The following CNTNAP2 variants were observed in gnomAD, a reference collection of about 807,000 sequenced individuals.
CNTNAP2 encodes the protein contactin-associated protein-like 2.
In CNTNAP2, 98 loss-of-function variants were observed where a neutral mutation model predicts 155.2. The ratio of observed to expected loss-of-function variants is 0.63; its 90% CI spans 0.54 to 0.75. CNTNAP2 has a LOEUF of 0.75. CNTNAP2 is among the 30% of genes least tolerant of loss of function. CNTNAP2 has a pLI of 0.00. For missense variants in CNTNAP2, 1,727 were observed against 1,688.1 expected (o/e 1.02, Z -0.40); for synonymous variants, 651 against 631.2 (o/e 1.03, Z -0.47).
chr7:147,736,696 T>C (rs1462160565), intron 13 of CNTNAP2, among the ~76,000 whole-genome samples: 1 of 152,216 alleles, frequency 6.6e-6, no homozygotes, highest in Non-Finnish European at 1.5e-5. Flanking sequence ...CATAGTGCCA[T>C]ATTTCTTGGA....
Position 146,905,596 on chromosome 7 carries a change from C to CT in CNTNAP2, c.402+65697dup, listed in dbSNP as rs755657448. Among the ~76,000 whole-genome samples, 6 of 152,202 alleles carry CT rather than the reference C, an allele frequency of 3.9e-5. No individual in the cohort carries two copies. The East Asian group carries it at 9.7e-4, about 25-fold the overall frequency. Reference sequence around the variant, plus strand: ...CCACAGAGACTAGCTTTCCCCAAGTCTTTTTCATTCAGAGACTCAAAGAAG... The same window carrying CT: ...CCACAGAGACTAGCTTTCCCCAAGTCTTTTTTCATTCAGAGACTCAAAGAAG... On this transcript the variant is annotated intron_variant, in intron 3 of 23. Transcript: ENST00000361727.
intron 9 of CNTNAP2, among the ~76,000 whole-genome samples, chr7:147,337,204 T>C (rs1435527839): frequency 6.6e-6 from 1 of 151,840 alleles, no homozygotes; most frequent in African/African-American, 2.4e-5. Flanking sequence ...CAAGGGAAGG[T>C]TAGGATGTAT....
chr7:147,663,180 G>C (rs74758956), intron 13 of CNTNAP2, among the ~76,000 whole-genome samples: 1 of 14,326 alleles, frequency 7.0e-5, no homozygotes, highest in South Asian at 0.05. Context: ...TGTAATTTTC[G>C]TAGGGACGGG....
chr7:146,603,819 G>A (rs1171799613), intron 1 of CNTNAP2, among the ~76,000 whole-genome samples: 2 of 149,100 alleles, frequency 1.3e-5, no homozygotes, highest in African/African-American at 4.9e-5. Context: ...ACAAGCAATG[G>A]GGAAAGGATT....
At chr7:147,873,186 C>A (rs1309734411) in intron 13 of CNTNAP2, among the ~76,000 whole-genome samples, 2 of 152,158 alleles carry the variant, frequency 1.3e-5, no homozygotes, top group Non-Finnish European at 2.9e-5. Context: ...CTCCTTACCA[C>A]TAAGGAGCTC....
chr7:147,640,119 T>G (rs1173561660), intron 13 of CNTNAP2, among the ~76,000 whole-genome samples: 2 of 152,146 alleles, frequency 1.3e-5, no homozygotes, highest in South Asian at 2.1e-4. Flanking sequence ...AAATTTTACC[T>G]TAATTGACAA....
intron 1 of CNTNAP2, among the ~76,000 whole-genome samples, chr7:146,274,432 G>C (rs975377644): frequency 2.0e-5 from 3 of 152,166 alleles, no homozygotes. Flanking sequence ...CTAAAAGGAA[G>C]GCATCTGTTT....
intron 1 of CNTNAP2, among the ~76,000 whole-genome samples, chr7:146,397,312 C>T (rs1026740079): frequency 2.0e-5 from 3 of 152,190 alleles, no homozygotes; most frequent in African/African-American, 7.2e-5. Flanking sequence ...ACCACATTTA[C>T]CACATTTGCT....
chr7:146,657,266 T>C (rs1475713891), intron 1 of CNTNAP2, among the ~76,000 whole-genome samples: 1 of 152,194 alleles, frequency 6.6e-6, no homozygotes, highest in African/African-American at 2.4e-5. Flanking sequence ...TACTTGGTAT[T>C]CCAACCTACC....
chr7:147,996,352 T>C (rs1221061034), intron 15 of CNTNAP2, among the ~76,000 whole-genome samples: 1 of 152,228 alleles, frequency 6.6e-6, no homozygotes, highest in Non-Finnish European at 1.5e-5. Context: ...AGATTTTGAT[T>C]TGGATTCTCC....
At chr7:146,272,583 C>T (rs917306020) in intron 1 of CNTNAP2, among the ~76,000 whole-genome samples, 1 of 152,112 alleles carries the variant, frequency 6.6e-6, no homozygotes, top group Non-Finnish European at 1.5e-5. Flanking sequence ...TTTAACTCGG[C>T]AATTCCACTA....
Position 148,308,471 on chromosome 7 carries a change from A to T in CNTNAP2, c.3475+41345A>T, listed in dbSNP as rs1028808363. Among the ~76,000 whole-genome samples the T allele has an allele frequency of 1.4e-4, 21 of 152,066 alleles. 1 individual carries two copies. Among genetic ancestry groups the T allele is most frequent in the African/African-American group, 5.1e-4 (21 of 41,438 alleles). On this transcript the variant is annotated intron_variant, in intron 21 of 23. Coordinates refer to ENST00000361727, the MANE Select transcript of CNTNAP2 (RefSeq NM_014141.6). ...TGCCATTTTTAAATTGGCATTTTTT[A>T]AAAAGTAGATCCAATTTTAGAAGTT...
chr7:147,739,637 A>G (rs1203691396), intron 13 of CNTNAP2, among the ~76,000 whole-genome samples: 2 of 152,076 alleles, frequency 1.3e-5, no homozygotes, highest in South Asian at 2.1e-4. Context: ...TACAGTCCCA[A>G]TACAGTCAGA....
intron 1 of CNTNAP2, among the ~76,000 whole-genome samples, chr7:146,683,322 C>T (rs1800538017): frequency 6.6e-6 from 1 of 152,188 alleles, no homozygotes; most frequent in Non-Finnish European, 1.5e-5. Flanking sequence ...CATGAGCCAC[C>T]ATGCACGGCC....
At position 148,372,650 on chromosome 7, in the gene CNTNAP2, G is replaced by A. The variant is rs554136765; in HGVS notation, c.3476-10999G>A. ...TTGAACCCAGGAGGCAGAGGTTACC[G>A]TGAGCCGAGATTGTGCCACTGCATG... On this transcript the variant is annotated intron_variant, in intron 21 of 23. Coordinates refer to ENST00000361727, the MANE Select transcript of CNTNAP2 (RefSeq NM_014141.6). 7.9e-5 allele frequency among the ~76,000 whole-genome samples: 12 copies of A among 152,278 alleles called. No homozygotes were observed. The South Asian group carries it at 1.2e-3, about 16-fold the overall frequency.
chr7:148,100,577 T>C (rs1804077095), intron 15 of CNTNAP2, among the ~76,000 whole-genome samples: 2 of 152,250 alleles, frequency 1.3e-5, no homozygotes, highest in Admixed American at 6.5e-5. Context: ...AAAATGGAGC[T>C]GTGATATACA....
intron 13 of CNTNAP2, among the ~76,000 whole-genome samples, chr7:147,727,672 T>G (rs902521493): frequency 6.6e-5 from 10 of 151,576 alleles, no homozygotes; most frequent in African/African-American, 2.4e-4. Context: ...CGTAGCATTT[T>G]AGTAACATGT....
chr7:147,637,791 G>A (rs1007434169), intron 12 of CNTNAP2, among the ~76,000 whole-genome samples: 3 of 152,184 alleles, frequency 2.0e-5, no homozygotes, highest in Middle Eastern at 6.8e-3. Flanking sequence ...TCATCCAAAG[G>A]TGCATCATGT....
chr7:148,100,584 T>C (rs1248418413), intron 15 of CNTNAP2, among the ~76,000 whole-genome samples: 1 of 152,244 alleles, frequency 6.6e-6, no homozygotes, highest in Non-Finnish European at 1.5e-5. Flanking sequence ...AGCTGTGATA[T>C]ACATTTTATT....
Sources: gnomAD v4.1 joint callset for allele counts (sites outside exome capture counted in the v4.1 genomes callset) on GRCh38, gnomAD v4.1.1 for gene constraint, MANE v1.5 for transcripts, NCBI Gene and HGNC (gene_info 2026-07-23, HGNC 2026-07-21) for gene names.